KCNMB2: variants seen among roughly 807,000 people sequenced by gnomAD.
KCNMB2 encodes calcium-activated potassium channel subunit beta-2.
In KCNMB2, 9 loss-of-function variants were observed where a neutral mutation model predicts 24.5. That is an observed-to-expected ratio of 0.37 (90% confidence interval 0.22 to 0.64). The LOEUF (loss-of-function observed/expected upper bound fraction) is 0.64. KCNMB2 is among the 30% of genes least tolerant of loss of function. The pLI, the probability that KCNMB2 is intolerant of heterozygous loss-of-function variation, is 0.63. For synonymous variants in KCNMB2, 109 were observed against 104.4 expected (o/e 1.04, Z -0.27); for missense variants, 226 against 284.3 (o/e 0.79, Z 1.47).
chr3:178,837,032 T>C (rs1715259572), intron 4 of KCNMB2, among the ~76,000 whole-genome samples: 1 of 152,208 alleles, frequency 6.6e-6, no homozygotes. Context: ...GGCTATCATT[T>C]GAGCCACAGA....
At chr3:178,572,711 G>T (rs1332627783) in intron 1 of KCNMB2, among the ~76,000 whole-genome samples, 3 of 152,050 alleles carry the variant, frequency 2.0e-5, no homozygotes. Flanking sequence ...TGGATTCCAT[G>T]GATAATGACA....
chr3:178,702,547 G>C (rs1427971617), intron 1 of KCNMB2, among the ~76,000 whole-genome samples: 2 of 152,038 alleles, frequency 1.3e-5, no homozygotes, highest in African/African-American at 4.8e-5. Flanking sequence ...TATTACAAGA[G>C]CCAAAGGTCC....
intron 1 of KCNMB2, among the ~76,000 whole-genome samples, chr3:178,594,282 G>A (rs147580691): frequency 6.6e-6 from 1 of 152,162 alleles, no homozygotes; most frequent in East Asian, 1.9e-4. Flanking sequence ...GGCTTCCATG[G>A]TGAGAATGTC....
chr3:178,629,888 T>C (rs1719253614), intron 1 of KCNMB2, among the ~76,000 whole-genome samples: 1 of 152,198 alleles, frequency 6.6e-6, no homozygotes, highest in Non-Finnish European at 1.5e-5. Flanking sequence ...AAAGGGCATT[T>C]CTGCAGTACA....
chr3:178,660,077 A>G (rs1390673864), intron 1 of KCNMB2, among the ~76,000 whole-genome samples: 1 of 152,138 alleles, frequency 6.6e-6, no homozygotes, highest in African/African-American at 2.4e-5. Context: ...TGAGAGCCTC[A>G]TAGCCAAGCA....
intron 1 of KCNMB2, among the ~76,000 whole-genome samples, chr3:178,552,388 C>A (rs1208419073): frequency 2.0e-5 from 3 of 152,110 alleles, no homozygotes; most frequent in Non-Finnish European, 4.4e-5. Flanking sequence ...AAACCCCCCC[C>A]CAAAATATTC....
chr3:178,764,413 A>C (rs1421390365), intron 1 of KCNMB2, among the ~76,000 whole-genome samples: 4 of 152,176 alleles, frequency 2.6e-5, no homozygotes, highest in Admixed American at 2.6e-4. Context: ...TCTATGTTTA[A>C]ATATACAAAT....
At chr3:178,630,388 C>A (rs1560139120) in intron 1 of KCNMB2, among the ~76,000 whole-genome samples, 1 of 152,224 alleles carries the variant, frequency 6.6e-6, no homozygotes, top group Admixed American at 6.5e-5. Flanking sequence ...GGACTGCCAC[C>A]AGTAAGCTGT....
intron 1 of KCNMB2, among the ~76,000 whole-genome samples, chr3:178,715,713 C>T (rs1349382365): frequency 2.6e-5 from 4 of 152,160 alleles, no homozygotes; most frequent in African/African-American, 9.7e-5. Flanking sequence ...ATTTACTAAA[C>T]ACTATATGCA....
chr3:178,636,779 A>C (rs1237274829), intron 1 of KCNMB2, among the ~76,000 whole-genome samples: 1 of 152,172 alleles, frequency 6.6e-6, no homozygotes, highest in Non-Finnish European at 1.5e-5. Context: ...CATGTGCCAG[A>C]TGTGCAGGTT....
chr3:178,801,842 C>T (rs1390993722), intron 1 of KCNMB2: 1 of 152,182 alleles, frequency 6.6e-6, no homozygotes, highest in Admixed American at 6.5e-5. Flanking sequence ...TGGTGTAGTA[C>T]AAATGTTGAT....
At chr3:178,561,467 C>A (rs1488476480) in intron 1 of KCNMB2, among the ~76,000 whole-genome samples, 2 of 152,184 alleles carry the variant, frequency 1.3e-5, no homozygotes, top group African/African-American at 4.8e-5. Flanking sequence ...GGTTCTGAAA[C>A]TAAATGGCTC....
At chr3:178,557,506 G>A (rs1396276115) in intron 1 of KCNMB2, among the ~76,000 whole-genome samples, 5 of 152,102 alleles carry the variant, frequency 3.3e-5, no homozygotes, top group South Asian at 2.1e-4. Flanking sequence ...AAAGCATTCC[G>A]AATAACTATT....
Position 178,561,737 on chromosome 3 carries a change from G to A in KCNMB2, c.-68+25026G>A, listed in dbSNP as rs528762825. 2.0e-5 allele frequency among the ~76,000 whole-genome samples: 3 copies of A among 152,310 alleles called. No homozygotes were observed. In the South Asian group the frequency reaches 6.2e-4, roughly 32 times the overall value. On this transcript the variant is annotated intron_variant, in intron 1 of 4. Transcript: ENST00000452583. Reference sequence around the variant, plus strand: ...ACTCAGAAGGGAAAGAAATACAGCAGCCTTTTAGCTATAATCTGATATGCA... The same window carrying A: ...ACTCAGAAGGGAAAGAAATACAGCAACCTTTTAGCTATAATCTGATATGCA...
intron 1 of KCNMB2, among the ~76,000 whole-genome samples, chr3:178,720,228 G>A (rs1722753255): frequency 6.6e-6 from 1 of 151,824 alleles, no homozygotes; most frequent in Non-Finnish European, 1.5e-5. Flanking sequence ...AGAACATGCA[G>A]TGTTTGGTTT....
At chr3:178,620,282 A>G (rs1317008429) in intron 1 of KCNMB2, among the ~76,000 whole-genome samples, 3 of 152,206 alleles carry the variant, frequency 2.0e-5, no homozygotes, top group African/African-American at 7.2e-5. Context: ...TAATAGCTGG[A>G]TAAGCTAATA....
intron 1 of KCNMB2, among the ~76,000 whole-genome samples, chr3:178,753,065 G>A (rs1441632718): frequency 6.6e-6 from 1 of 152,104 alleles, no homozygotes; most frequent in Non-Finnish European, 1.5e-5. Context: ...TCAACTCTCT[G>A]ATCAGGTGCT....
intron 1 of KCNMB2, among the ~76,000 whole-genome samples, chr3:178,632,070 C>T (rs1302398912): frequency 6.6e-6 from 1 of 152,182 alleles, no homozygotes; most frequent in Non-Finnish European, 1.5e-5. Flanking sequence ...ATCTGGGAGG[C>T]AAGACCATGT....
At chr3:178,624,997 G>A (rs978550743) in intron 1 of KCNMB2, among the ~76,000 whole-genome samples, 11 of 152,152 alleles carry the variant, frequency 7.2e-5, no homozygotes, top group African/African-American at 2.7e-4. Context: ...GGCTGCCCAG[G>A]GGAAGGGGTA....
Sources: gnomAD v4.1 joint callset for allele counts (sites outside exome capture counted in the v4.1 genomes callset) on GRCh38, gnomAD v4.1.1 for gene constraint, MANE v1.5 for transcripts, NCBI Gene and HGNC (gene_info 2026-07-23, HGNC 2026-07-21) for gene names.